The following MYT1L variants were observed in gnomAD, a reference collection of about 807,000 sequenced individuals.
MYT1L encodes myelin transcription factor 1 like.
Under a neutral mutation model 126.7 loss-of-function variants are expected in MYT1L, and 12 were observed. The ratio of observed to expected loss-of-function variants is 0.09; its 90% CI spans 0.06 to 0.15. The LOEUF (loss-of-function observed/expected upper bound fraction) is 0.15. MYT1L is among the 10% of genes least tolerant of loss of function. MYT1L has a pLI of 1.00. For missense variants in MYT1L, 979 were observed against 1,585.2 expected, an observed-to-expected ratio of 0.62 and a Z score of 6.49; for synonymous variants, 541 against 604.2, an observed-to-expected ratio of 0.90 and a Z score of 1.53.
intron 21 of MYT1L, among the ~76,000 whole-genome samples, chr2:1,823,649 G>C (rs1459698999): frequency 8.7e-5 from 13 of 150,202 alleles, no homozygotes; most frequent in Middle Eastern, 3.2e-3. Context: ...GCTCCTGGGA[G>C]GAGCAGCGAT....
chr2:2,208,110 G>T (rs185919162), intron 2 of MYT1L, among the ~76,000 whole-genome samples: 1 of 152,224 alleles, frequency 6.6e-6, no homozygotes, highest in Non-Finnish European at 1.5e-5. Flanking sequence ...GATACTGGAA[G>T]TATCAACAAT....
chr2:2,040,438 T>A (rs1448118394), intron 4 of MYT1L, among the ~76,000 whole-genome samples: 2 of 152,184 alleles, frequency 1.3e-5, no homozygotes, highest in Non-Finnish European at 2.9e-5. Flanking sequence ...CTCTGTGGAG[T>A]CAGTGTGAGG....
At chr2:1,902,968 T>C (rs2050552047) in intron 14 of MYT1L, 112 bp downstream of exon 14, 2 of 964,216 alleles carry the variant, frequency 2.1e-6, no homozygotes, top group African/African-American at 3.2e-5. Flanking sequence ...GTTCTTTTGG[T>C]ACCCATTGAG....
intron 1 of MYT1L, among the ~76,000 whole-genome samples, chr2:2,318,755 A>C (rs1442756947): frequency 1.3e-5 from 2 of 152,230 alleles, no homozygotes; most frequent in African/African-American, 4.8e-5. Flanking sequence ...CAAATTATTA[A>C]GATTTTATTT....
At chr2:2,207,984 G>A (rs755088722) in intron 2 of MYT1L, among the ~76,000 whole-genome samples, 22 of 152,020 alleles carry the variant, frequency 1.4e-4, no homozygotes, top group Non-Finnish European at 3.1e-4. Flanking sequence ...CTGGTAGGTT[G>A]GGTTCAATCC....
At chr2:2,159,527 G>A (rs182404570) in intron 3 of MYT1L, among the ~76,000 whole-genome samples, 31 of 152,112 alleles carry the variant, frequency 2.0e-4, no homozygotes, top group South Asian at 1.2e-3. Flanking sequence ...GGAGCACCTC[G>A]CTGCTGAGCG....
At chr2:2,149,390 C>T (rs2085384054) in intron 3 of MYT1L, among the ~76,000 whole-genome samples, 1 of 152,214 alleles carries the variant, frequency 6.6e-6, no homozygotes, top group African/African-American at 2.4e-5. Context: ...TTAGGCACTG[C>T]ATGGAGATTA....
At chr2:2,288,011 T>A (rs1002711655) in intron 1 of MYT1L, among the ~76,000 whole-genome samples, 1 of 152,256 alleles carries the variant, frequency 6.6e-6, no homozygotes, top group African/African-American at 2.4e-5. Flanking sequence ...CTTTTTTGGC[T>A]TCTTCAGACA....
intron 18 of MYT1L, 119 bp from the exon 19 acceptor site, chr2:1,851,822 G>T (rs1215280585): frequency 1.0e-6 from 1 of 966,722 alleles, no homozygotes; most frequent in Non-Finnish European, 1.6e-6. Flanking sequence ...ACTTGAAAGA[G>T]GCTGAGTGGA....
At chr2:2,081,884 T>C (rs2075871478) in intron 3 of MYT1L, among the ~76,000 whole-genome samples, 1 of 152,146 alleles carries the variant, frequency 6.6e-6, no homozygotes, top group African/African-American at 2.4e-5. Flanking sequence ...GGATTACAGG[T>C]GCGCGATGCC....
chr2:1,946,479 G>C (rs2057237800), intron 8 of MYT1L, among the ~76,000 whole-genome samples: 1 of 152,108 alleles, frequency 6.6e-6, no homozygotes, highest in African/African-American at 2.4e-5. Flanking sequence ...GGCAAGAGCT[G>C]AGGGACTTCA....
intron 14 of MYT1L, among the ~76,000 whole-genome samples, chr2:1,899,617 C>G (rs562956082): frequency 1.3e-5 from 2 of 152,210 alleles, no homozygotes; most frequent in East Asian, 3.9e-4. Flanking sequence ...CACGGGTCTC[C>G]GTCCTGGCCT....
intron 4 of MYT1L, among the ~76,000 whole-genome samples, chr2:2,003,687 G>A (rs1458280987): frequency 6.6e-6 from 1 of 152,134 alleles, no homozygotes; most frequent in Non-Finnish European, 1.5e-5. Flanking sequence ...AGGTAAGACA[G>A]CACCCTGGTG....
chr2:1,802,665 A>G lies in MYT1L; in HGVS notation c.3173-866T>C, dbSNP rs1208482445. On this transcript the variant is annotated intron_variant, in intron 22 of 24. Coordinates refer to ENST00000647738, the MANE Select transcript of MYT1L (RefSeq NM_001303052.2). ...ACAGGGCCCAGATGCCCATATTTAC[A>G]AAGGCCATTCTGGACACTTGCTTCC... Among the ~76,000 whole-genome samples the G allele has an allele frequency of 3.9e-5, 6 of 152,292 alleles. No individual in the cohort carries two copies. The South Asian group carries it at 1.0e-3, about 26-fold the overall frequency.
At chr2:2,255,414 C>T (rs17039477) in intron 2 of MYT1L, among the ~76,000 whole-genome samples, 5,818 of 152,048 alleles carry the variant, frequency 0.038, 348 homozygotes, top group African/African-American at 0.13. Flanking sequence ...AGTCTTTTGC[C>T]CCAGAAAAGG....
At chr2:2,254,881 C>CT (rs1429096188) in intron 2 of MYT1L, among the ~76,000 whole-genome samples, 2 of 152,204 alleles carry the variant, frequency 1.3e-5, no homozygotes, top group Non-Finnish European at 2.9e-5. Context: ...TTATTCCCCT[C>CT]TTCCCCAAAC....
At chr2:1,911,869 T>A (rs558149778) in intron 12 of MYT1L, 151 bp downstream of exon 12, 1 of 483,948 alleles carries the variant, frequency 2.1e-6, no homozygotes, top group African/African-American at 2.0e-5. Flanking sequence ...GGGCGTGGAG[T>A]GCTTTCACTC....
chr2:2,027,128 C>T (rs1312639647), intron 4 of MYT1L, among the ~76,000 whole-genome samples: 2 of 152,160 alleles, frequency 1.3e-5, no homozygotes, highest in African/African-American at 2.4e-5. Flanking sequence ...TCGCCGCTGC[C>T]GCCACAGACT....
chr2:2,130,855 T>C (rs1311091244), intron 3 of MYT1L, among the ~76,000 whole-genome samples: 2 of 152,192 alleles, frequency 1.3e-5, no homozygotes, highest in Non-Finnish European at 1.5e-5. Flanking sequence ...ATTTTATTTG[T>C]CATAAACAAT....
Sources: gnomAD v4.1 joint callset for allele counts (sites outside exome capture counted in the v4.1 genomes callset) on GRCh38, gnomAD v4.1.1 for gene constraint, MANE v1.5 for transcripts, NCBI Gene and HGNC (gene_info 2026-07-23, HGNC 2026-07-21) for gene names.